The following DLG2 variants were observed in gnomAD, a reference collection of about 807,000 sequenced individuals.
DLG2 encodes disks large homolog 2.
Under a neutral mutation model 132.5 loss-of-function variants are expected in DLG2, and 45 were observed. The ratio of observed to expected loss-of-function variants is 0.34; its 90% CI spans 0.27 to 0.44. The LOEUF (loss-of-function observed/expected upper bound fraction) is 0.44, where lower values mean the gene tolerates loss of function less well. DLG2 is among the 20% of genes least tolerant of loss of function. The pLI is 1.00. For synonymous variants in DLG2, 424 were observed against 419.6 expected (o/e 1.01, Z -0.13); for missense variants, 1,045 against 1,196.9 (o/e 0.87, Z 1.87).
chr11:83,514,533 C>A (rs543966346), intron 21 of DLG2, among the ~76,000 whole-genome samples: 1 of 152,266 alleles, frequency 6.6e-6, no homozygotes, highest in East Asian at 1.9e-4. Flanking sequence ...CCTTCTCCTG[C>A]CTGATTGCCC....
At chr11:84,545,286 C>T (rs1185936749) in intron 6 of DLG2, 2 of 503,302 alleles carry the variant, frequency 4.0e-6, no homozygotes, top group South Asian at 1.5e-5. Context: ...AATTTGAAGA[C>T]TGATTGTTGT....
chr11:85,588,504 C>T lies in DLG2; in HGVS notation c.40+10153G>A, dbSNP rs1168741933. Among the ~76,000 whole-genome samples the T allele has an allele frequency of 2.6e-5, 4 of 152,180 alleles. No individual in the cohort carries two copies. In the East Asian group the frequency reaches 7.7e-4, roughly 29 times the overall value. ...CTGGTGCATTTTGTATTTCTCTAAG[C>T]GTGTCTTTCACTTCCAGAAGTTGTG... On this transcript the variant is annotated intron_variant, in intron 3 of 27. Coordinates refer to ENST00000376104, the MANE Select transcript of DLG2 (RefSeq NM_001142699.3).
intron 7 of DLG2, among the ~76,000 whole-genome samples, chr11:84,352,126 C>T (rs568893588): frequency 6.6e-6 from 1 of 152,238 alleles, no homozygotes; most frequent in Admixed American, 6.5e-5. Context: ...AGATGGGTTC[C>T]CACCAACCAA....
chr11:83,798,115 T>G (rs147081405), intron 17 of DLG2, among the ~76,000 whole-genome samples: 1 of 152,162 alleles, frequency 6.6e-6, no homozygotes, highest in South Asian at 2.1e-4. Flanking sequence ...GCTGCCAAGG[T>G]TTTCCACCAC....
chr11:84,412,338 A>C (rs1420007278), intron 7 of DLG2, among the ~76,000 whole-genome samples: 1 of 151,634 alleles, frequency 6.6e-6, no homozygotes, highest in Non-Finnish European at 1.5e-5. Flanking sequence ...TGATTGTGCC[A>C]AATACTATGT....
At chr11:83,915,232 G>A (rs2076731672) in intron 15 of DLG2, among the ~76,000 whole-genome samples, 1 of 152,096 alleles carries the variant, frequency 6.6e-6, no homozygotes, top group Admixed American at 6.6e-5. Context: ...GGAGGGCTGG[G>A]GGCAGAACTT....
intron 15 of DLG2, among the ~76,000 whole-genome samples, chr11:83,920,576 A>C (rs1262930161): frequency 1.3e-5 from 2 of 152,062 alleles, no homozygotes; most frequent in Non-Finnish European, 2.9e-5. Flanking sequence ...CCTCAGCCTG[A>C]GGTATCTATT....
At chr11:84,546,015 C>T (rs1001345115) in intron 6 of DLG2, among the ~76,000 whole-genome samples, 4 of 152,130 alleles carry the variant, frequency 2.6e-5, no homozygotes, top group East Asian at 1.9e-4. Context: ...CTCGGCCTCC[C>T]GAAGTGCTGG....
intron 11 of DLG2, among the ~76,000 whole-genome samples, chr11:84,047,244 G>T (rs970852192): frequency 6.6e-6 from 1 of 151,564 alleles, no homozygotes; most frequent in South Asian, 2.1e-4. Flanking sequence ...ATATGTTTTT[G>T]AAATAAAATA....
At chr11:84,961,104 A>G (rs1432771153) in intron 6 of DLG2, among the ~76,000 whole-genome samples, 1 of 151,768 alleles carries the variant, frequency 6.6e-6, no homozygotes, top group Non-Finnish European at 1.5e-5. Context: ...CTCACGCTCC[A>G]TGCTTCCTTA....
chr11:83,480,628 T>G, intron 22 of DLG2: 2 of 1,556,638 alleles, frequency 1.3e-6, no homozygotes, highest in Non-Finnish European at 1.7e-6. Flanking sequence ...TGTTTCTTCT[T>G]TTTAGCAAAT....
At chr11:85,118,514 A>G (rs898927895) in intron 5 of DLG2, among the ~76,000 whole-genome samples, 3 of 152,094 alleles carry the variant, frequency 2.0e-5, no homozygotes, top group East Asian at 1.9e-4. Context: ...AGCTGGCCAC[A>G]TTAAAGGATT....
intron 19 of DLG2, among the ~76,000 whole-genome samples, chr11:83,578,577 T>G (rs1437977133): frequency 1.4e-4 from 21 of 152,102 alleles, no homozygotes; most frequent in Admixed American, 1.2e-3. Context: ...AAAAAATATA[T>G]ACCATATTGA....
intron 6 of DLG2, among the ~76,000 whole-genome samples, chr11:84,599,423 G>C (rs1029717214): frequency 1.3e-5 from 2 of 152,052 alleles, no homozygotes; most frequent in Non-Finnish European, 2.9e-5. Flanking sequence ...AGGCATGTTG[G>C]GTCATTCTCT....
chr11:83,939,693 T>C (rs1022849489), intron 14 of DLG2, among the ~76,000 whole-genome samples: 7 of 149,092 alleles, frequency 4.7e-5, no homozygotes, highest in Non-Finnish European at 7.5e-5. Context: ...CTTTGGGTTT[T>C]AAAATTCACA....
chr11:84,435,656 G>C (rs1242333634), intron 7 of DLG2, among the ~76,000 whole-genome samples: 1 of 152,072 alleles, frequency 6.6e-6, no homozygotes, highest in Non-Finnish European at 1.5e-5. Flanking sequence ...AATCAAACTT[G>C]GTTTCTTCTG....
intron 6 of DLG2, among the ~76,000 whole-genome samples, chr11:84,685,343 C>T (rs2153714130): frequency 6.6e-6 from 1 of 152,272 alleles, no homozygotes. Flanking sequence ...AAGTGTTCTG[C>T]CTGGAAGCAT....
intron 6 of DLG2, among the ~76,000 whole-genome samples, chr11:84,863,275 A>G (rs2084035586): frequency 6.6e-6 from 1 of 152,018 alleles, no homozygotes; most frequent in African/African-American, 2.4e-5. Flanking sequence ...AGCTCTTGCC[A>G]TTTAGATCTT....
At chr11:84,098,858 A>T (rs2092125942) in intron 10 of DLG2, 65 bp downstream of exon 10, 1 of 1,556,944 alleles carries the variant, frequency 6.4e-7, no homozygotes, top group Non-Finnish European at 8.8e-7. Context: ...CTTCAAAGGT[A>T]CAAATGTGTC....
Sources: allele counts gnomAD v4.1 joint callset (sites outside exome capture counted in the v4.1 genomes callset), GRCh38; gene constraint gnomAD v4.1.1; transcripts MANE v1.5; gene names NCBI Gene and HGNC (gene_info 2026-07-23, HGNC 2026-07-21).